TBL3: variants seen among roughly 807,000 people sequenced by gnomAD.
TBL3 encodes the protein transducin beta-like protein 3.
A neutral mutation model predicts 102.7 loss-of-function variants in TBL3; 71 were observed. That is an observed-to-expected ratio of 0.69 (90% CI 0.57 to 0.84). TBL3 has a LOEUF of 0.84. Ranked by LOEUF, TBL3 falls within the 40% of genes least tolerant of loss-of-function variation. The pLI, the probability that TBL3 is intolerant of heterozygous loss-of-function variation, is 0.00. For missense variants in TBL3, 1,188 were observed against 1,098.5 expected (o/e 1.08, Z -1.15); for synonymous variants, 578 against 477.7 (o/e 1.21, Z -2.74).
At chr16:1,974,492 T>C (rs1341233544) in intron 4 of TBL3, 46 bp from the exon 5 acceptor site, 1 of 1,585,344 alleles carries the variant, frequency 6.3e-7, no homozygotes, top group South Asian at 1.1e-5. Flanking sequence ...CAGGAAGATG[T>C]GAGCAGGGTA....
rs781314432 is a variant in TBL3, at chr16:1,975,686, T to C, written c.963T>C (p.Ala321=). The stretch of plus-strand genomic sequence containing the variant: ...ACCACAACCTGTTGCTCTACGAGGC[T>C]CGCTCCCTGCGGCTGCAGAAACAGG... ...TADHNLLLYE[A]RSLRLQKQFA... is the part of the protein sequence containing the mutation. Residue 321 remains alanine (A), a synonymous_variant, in exon 10 of 22, where the codon GCT becomes GCC. Transcript: ENST00000568546. 5.0e-6 allele frequency: 8 copies of C among 1,611,314 alleles called. No homozygotes were observed. In the South Asian group the frequency reaches 7.7e-5, roughly 15 times the overall value.
rs1179284339 is a variant in TBL3 at position 1,978,970 on chromosome 16, T to C, written c.*285T>C. On this transcript the variant is annotated 3_prime_UTR_variant, in exon 22 of 22. Transcript: ENST00000568546. ...ACAGCAAATGGCCCCCTCCCATCCCTGCTGGCCAGGGAGATCCGCCCTCCC... is the reference window on the plus strand; with the variant it reads ...ACAGCAAATGGCCCCCTCCCATCCCCGCTGGCCAGGGAGATCCGCCCTCCC... The C allele has an allele frequency of 2.9e-6, 4 of 1,361,680 alleles. No individual in the cohort carries two copies. The highest frequency in any genetic ancestry group is 3.9e-6 in the Non-Finnish European group (4 of 1,013,260). The allele number at this position is 1,361,680 out of a possible 1,614,324, so 84.3% of individuals were successfully genotyped here. A position where few individuals can be genotyped will look rare whatever the true frequency, so the allele number is the denominator to read the frequency against.
At position 1,978,346 on chromosome 16, in the gene TBL3, C is replaced by G. The variant is rs201234681; in HGVS notation, c.2168C>G (p.Thr723Ser). The G allele has an allele frequency of 1.2e-6, 2 of 1,610,924 alleles. No homozygotes were observed. Among genetic ancestry groups the G allele is most frequent in the Non-Finnish European group, 1.7e-6 (2 of 1,178,730 alleles). Residue 723 changes from threonine to serine, a missense_variant, in exon 21 of 22, where the codon ACC (threonine) becomes AGC (serine). Transcript: ENST00000568546. Reference sequence around the variant, plus strand: ...CTGCGCTTCTGCGTCACGTGGAACACCAACTCGCGGCACTGCCACGAGGCC... The same window carrying G: ...CTGCGCTTCTGCGTCACGTGGAACAGCAACTCGCGGCACTGCCACGAGGCC... ...ALLRFCVTWN[T>S]NSRHCHEAQA...
intron 1 of TBL3, 72 bp downstream of exon 1, chr16:1,972,277 G>A: frequency 7.8e-7 from 1 of 1,281,442 alleles, no homozygotes; most frequent in East Asian, 3.2e-5. Flanking sequence ...GGCGCGCGTG[G>A]GGTGGGCACG....
At position 1,978,673 on chromosome 16, in the gene TBL3, C is replaced by G; in HGVS notation, c.2415C>G (p.Gly805=). The G allele has an allele frequency of 6.2e-7, 1 of 1,611,572 alleles. No individual in the cohort carries two copies. Among genetic ancestry groups the G allele is most frequent in the Non-Finnish European group, 8.5e-7 (1 of 1,179,090 alleles). Reference sequence around the variant, plus strand: ...CCACCCCCTGGGAAACCCATAAAGGCGCACTGCCCTAGCCGGTCCGGCCTC... The same window carrying G: ...CCACCCCCTGGGAAACCCATAAAGGGGCACTGCCCTAGCCGGTCCGGCCTC... ...AAPTPWETHK[G]ALP The change falls in exon 22 of 22, where the codon GGC becomes GGG. Residue 805 remains glycine (G), a synonymous_variant. Coordinates refer to ENST00000568546, the MANE Select transcript of TBL3 (RefSeq NM_006453.3).
Position 1,980,354 on chromosome 16 carries a change from G to A in TBL3, c.*1669G>A, listed in dbSNP as rs756846941. 9 of 1,596,154 alleles carry A rather than the reference G, an allele frequency of 5.6e-6. No homozygotes were observed. The highest frequency in any genetic ancestry group is 4.0e-5 in the African/African-American group (3 of 74,746). On this transcript the variant is annotated 3_prime_UTR_variant, in exon 22 of 22. Coordinates refer to ENST00000568546, the MANE Select transcript of TBL3 (RefSeq NM_006453.3). ...CGCCGCTGCATGCTGGGAGTTTGGGGCGAGTCAGGCACCTGCCGGGTGGCA... is the reference window on the plus strand; with the variant it reads ...CGCCGCTGCATGCTGGGAGTTTGGGACGAGTCAGGCACCTGCCGGGTGGCA...
rs1597053078 is a variant in TBL3, at chr16:1,979,113, C to T, written c.*428C>T. 3.4e-6 allele frequency: 5 copies of T among 1,489,834 alleles called. No individual in the cohort carries two copies. The African/African-American group carries it at 5.9e-5, about 17-fold the overall frequency. The allele number at this position is 1,489,834 out of a possible 1,614,324, so 92.3% of individuals were successfully genotyped here. On this transcript the variant is annotated 3_prime_UTR_variant, in exon 22 of 22. Coordinates refer to ENST00000568546, the MANE Select transcript of TBL3 (RefSeq NM_006453.3). ...GCACCCTCGAGGGCGGCCCTGGCGC[C>T]GTGGGCGCCGCTCCAGGGCCCTGCG...
rs1258602124 is a variant in TBL3, at chr16:1,981,953, G to C, written c.*3268G>C. The C allele has an allele frequency of 6.6e-6, 1 of 152,098 alleles. No individual in the cohort carries two copies. The highest frequency in any genetic ancestry group is 2.4e-5 in the African/African-American group (1 of 41,392). 9.4% of individuals were successfully genotyped at this position (152,098 alleles called of 1,614,324 possible). ...TGGTGGTCAGGGAAGTGGTCACTAG[G>C]GCTGTTTTGAGAACCACCTCTCAAT... On this transcript the variant is annotated 3_prime_UTR_variant, in exon 22 of 22. Coordinates refer to ENST00000568546, the MANE Select transcript of TBL3 (RefSeq NM_006453.3).
chr16:1,980,813 G>A lies in TBL3; in HGVS notation c.*2128G>A. On this transcript the variant is annotated 3_prime_UTR_variant, in exon 22 of 22. Transcript: ENST00000568546. ...GGCGGGGTCCCTCACCCGGATGGCA[G>A]GGGCTGGGAGCTTCAGCAGGGACGA... 1 of 1,490,454 alleles carries A rather than the reference G, an allele frequency of 6.7e-7. No homozygotes were observed. Among genetic ancestry groups the A allele is most frequent in the Non-Finnish European group, 9.2e-7 (1 of 1,089,150 alleles). 92.3% of individuals were successfully genotyped at this position (1,490,454 alleles called of 1,614,324 possible).
At chr16:1,976,455 C>A in intron 13 of TBL3, 141 bp downstream of exon 13, 1 of 747,866 alleles carries the variant, frequency 1.3e-6, no homozygotes, top group Non-Finnish European at 2.2e-6. Context: ...TGGAACAGAA[C>A]AGGACAGGAG....
intron 1 of TBL3, 107 bp from the exon 2 acceptor site, chr16:1,973,949 A>T: frequency 8.1e-7 from 1 of 1,236,338 alleles, no homozygotes; most frequent in Non-Finnish European, 1.1e-6. Context: ...CAGAAACTCA[A>T]GGGCAGGGGC....
intron 9 of TBL3, 28 bp from the exon 10 acceptor site, chr16:1,975,501 C>T (rs772245380): frequency 2.3e-5 from 37 of 1,600,218 alleles, no homozygotes; most frequent in Non-Finnish European, 2.7e-5. Flanking sequence ...ACCTGAGAGT[C>T]TCAGCAGCCC....
rs17602 is a variant in TBL3 at position 1,975,677 on chromosome 16, C to T, written c.954C>T (p.Leu318=). 1 of 1,610,136 alleles carries T rather than the reference C, an allele frequency of 6.2e-7. No homozygotes were observed. Among genetic ancestry groups the T allele is most frequent in the African/African-American group, 1.3e-5 (1 of 74,926 alleles). ...LTATADHNLL[L]YEARSLRLQK... ...CCACCGCCGACCACAACCTGTTGCT[C>T]TACGAGGCTCGCTCCCTGCGGCTGC... Residue 318 remains leucine (L), a synonymous_variant, in exon 10 of 22, where the codon CTC becomes CTT. Coordinates refer to ENST00000568546, the MANE Select transcript of TBL3 (RefSeq NM_006453.3).
At position 1,975,566 on chromosome 16, in the gene TBL3, T is replaced by G. The variant is rs1248820806; in HGVS notation, c.843T>G (p.Cys281Trp). The G allele has an allele frequency of 6.3e-7, 1 of 1,598,900 alleles. No homozygotes were observed. The highest frequency in any genetic ancestry group is 2.2e-5 in the East Asian group (1 of 44,828). The change falls in exon 10 of 22, where the codon TGT (cysteine) becomes TGG (tryptophan). Residue 281 changes from cysteine to tryptophan, a missense_variant. Cys to Trp is a radical substitution (Grantham distance 215, BLOSUM62 -2). Transcript: ENST00000568546. ...TGTGGGAGGCAGCTTCTGGGCAGTGTGTGTACACGCAGGCCCAGCCGCCGG... is the reference window on the plus strand; with the variant it reads ...TGTGGGAGGCAGCTTCTGGGCAGTGGGTGTACACGCAGGCCCAGCCGCCGG... The part of the protein sequence containing the change: ...LRVWEAASGQ[C>W]VYTQAQPPGP...
rs1200120129 is a variant in TBL3, at chr16:1,980,116, T to C, written c.*1431T>C. On this transcript the variant is annotated 3_prime_UTR_variant, in exon 22 of 22. Coordinates refer to ENST00000568546, the MANE Select transcript of TBL3 (RefSeq NM_006453.3). ...GCGCAGGCTCTGAGCCTCCAGACTG[T>C]GGATGGAGAGGCGGCCCGCAGCGCG... 8 of 1,608,338 alleles carry C rather than the reference T, an allele frequency of 5.0e-6. No individual in the cohort carries two copies. Among genetic ancestry groups the C allele is most frequent in the African/African-American group, 2.7e-5 (2 of 74,968 alleles).
chr16:1,976,700 C>A, intron 13 of TBL3, 114 bp from the exon 14 acceptor site: 1 of 1,350,038 alleles, frequency 7.4e-7, no homozygotes, highest in Non-Finnish European at 1.0e-6. Flanking sequence ...AACCCGCATC[C>A]TGGGACAGGC....
rs1373671328 is a variant in TBL3, at chr16:1,975,556, C to T, written c.833C>T (p.Ser278Phe). 1.3e-6 allele frequency: 2 copies of T among 1,598,044 alleles called. No homozygotes were observed. The highest frequency in any genetic ancestry group is 2.2e-5 in the South Asian group (2 of 90,854). ...ACTCTGCGCGTGTGGGAGGCAGCTT[C>T]TGGGCAGTGTGTGTACACGCAGGCC... ...QGTLRVWEAASGQCVYTQAQP... is the reference protein window; with the variant it reads ...QGTLRVWEAAFGQCVYTQAQP... The change falls in exon 10 of 22, where the codon TCT becomes TTT. Residue 278 changes from serine (S) to phenylalanine (F), a missense_variant. Physicochemically the swap from Ser to Phe is radical, Grantham distance 155. Transcript: ENST00000568546.
chr16:1,974,564 G>A lies in TBL3; in HGVS notation c.264G>A (p.Leu88=). 1 of 1,610,098 alleles carries A rather than the reference G, an allele frequency of 6.2e-7. No homozygotes were observed. The highest frequency in any genetic ancestry group is 8.5e-7 in the Non-Finnish European group (1 of 1,177,518). ...NEVLVTASRA[L]LLAQWAWQEG... is the part of the protein sequence containing the mutation. ...TGCTGGTGACAGCCAGTCGGGCATTGCTGCTGGCTCAGTGGGCCTGGCAAG... is the reference window on the plus strand; with the variant it reads ...TGCTGGTGACAGCCAGTCGGGCATTACTGCTGGCTCAGTGGGCCTGGCAAG... The change falls in exon 5 of 22, where the codon TTG becomes TTA. Residue 88 remains leucine, a synonymous_variant. Coordinates refer to ENST00000568546, the MANE Select transcript of TBL3 (RefSeq NM_006453.3).
rs1183400808 is a variant in TBL3, at chr16:1,975,062, C to G, written c.599C>G (p.Ser200Ter). The G allele has an allele frequency of 1.2e-6, 2 of 1,608,852 alleles. No individual in the cohort carries two copies. The highest frequency in any genetic ancestry group is 1.7e-6 in the Non-Finnish European group (2 of 1,180,000). The change falls in exon 7 of 22, where the codon TCA (serine) becomes TGA (stop). Residue 200 changes from serine to a stop codon, truncating the protein, a stop_gained. Coordinates refer to ENST00000568546, the MANE Select transcript of TBL3 (RefSeq NM_006453.3). LOFTEE classifies it high-confidence loss of function. ...ACTGCCCACTACAGCGCCGTCACCT[C>G]ACTGGCCTTCAGCGCCGACGGCCAC... Reference protein sequence around the residue: ...VLTAHYSAVTSLAFSADGHTM... With the variant: ...VLTAHYSAVT
Sources: allele counts gnomAD v4.1 joint callset, GRCh38; gene constraint gnomAD v4.1.1; transcripts MANE v1.5; gene names NCBI Gene and HGNC (gene_info 2026-07-23, HGNC 2026-07-21).